HERC1: variants seen among roughly 807,000 people sequenced by gnomAD.
The protein encoded by HERC1 is probable E3 ubiquitin-protein ligase HERC1.
In HERC1, 160 loss-of-function variants were observed where a neutral mutation model predicts 554.3. The observed-to-expected ratio is 0.29, with a 90% CI of 0.25 to 0.33. HERC1 has a LOEUF of 0.33. Among genes scored for constraint, HERC1 ranks in the 10% least tolerant of loss-of-function variants. HERC1 has a pLI of 1.00. For missense variants in HERC1, 4,919 were observed against 5,918.5 expected (o/e 0.83, Z 5.54); for synonymous variants, 2,175 against 2,131.7 (o/e 1.02, Z -0.56).
chr15:63,744,111 T>TGC (rs1491501100), intron 12 of HERC1, among the ~76,000 whole-genome samples: 3 of 27,654 alleles, frequency 1.1e-4, no homozygotes, highest in African/African-American at 4.2e-4. Flanking sequence ...CCAAACAGAC[T>TGC]GTGTGTGTGT....
At chr15:63,801,260 G>A (rs1267634469) in intron 1 of HERC1, among the ~76,000 whole-genome samples, 3 of 152,178 alleles carry the variant, frequency 2.0e-5, no homozygotes, top group East Asian at 1.9e-4. Context: ...AGGTGAGGGG[G>A]TAGTTGTAGG....
chr15:63,771,517 A>C (rs572404412), intron 2 of HERC1, among the ~76,000 whole-genome samples: 1 of 150,216 alleles, frequency 6.7e-6, no homozygotes. Context: ...TGCAACCTCC[A>C]CCTCCCAGGT....
chr15:63,785,991 C>T (rs1314498510), intron 1 of HERC1, among the ~76,000 whole-genome samples: 1 of 151,806 alleles, frequency 6.6e-6, no homozygotes, highest in East Asian at 1.9e-4. Context: ...CAGGTGTGAG[C>T]CACCATGCCC....
chr15:63,696,099 G>A (rs1177254082), intron 27 of HERC1, 25 bp downstream of exon 27: 17 of 1,502,530 alleles, frequency 1.1e-5, no homozygotes, highest in East Asian at 2.3e-5. Context: ...GTTAAAATCT[G>A]TATATACTGC....
At chr15:63,654,657 A>G (rs1436515186) in intron 50 of HERC1, among the ~76,000 whole-genome samples, 3 of 151,746 alleles carry the variant, frequency 2.0e-5, no homozygotes, top group Non-Finnish European at 4.4e-5. Context: ...GTTCGAGACC[A>G]GCCTGGCCAA....
In HERC1 at chr15:63,609,228, G is replaced by C. The variant is rs771365114; in HGVS notation, c.14439C>G (p.Phe4813Leu). ...TGGAGTACGGGGGCAGCCTCAGCTG[G>C]AAGAAGCAGGTCTGTGAGGTAGGCA... ...DSLPTSQTCF[F>L]QLRLPPYSSQ... Residue 4813 changes from phenylalanine to leucine, a missense_variant, in exon 78 of 78, where the codon TTC (phenylalanine) becomes TTG (leucine). Physicochemically the swap from Phe to Leu is conservative, Grantham distance 22. Around this residue, in one of 11 missense-constraint regions of HERC1, gnomAD observed 71 missense variants for 101.4 expected, o/e 0.70. Transcript: ENST00000443617. 1 of 1,613,508 alleles carries C rather than the reference G, an allele frequency of 6.2e-7. No individual in the cohort carries two copies. Among genetic ancestry groups the C allele is most frequent in the Non-Finnish European group, 8.5e-7 (1 of 1,179,746 alleles).
At chr15:63,641,431 G>A in intron 60 of HERC1, 39 bp downstream of exon 60, 1 of 1,532,352 alleles carries the variant, frequency 6.5e-7, no homozygotes, top group Non-Finnish European at 8.9e-7. Context: ...CAAAGCACCA[G>A]GTATCTGTGT....
intron 76 of HERC1, among the ~76,000 whole-genome samples, chr15:63,614,606 C>T (rs1464971675): frequency 2.0e-5 from 3 of 152,176 alleles, no homozygotes; most frequent in African/African-American, 4.8e-5. Flanking sequence ...TACTTCAAAT[C>T]ACTAAACTTC....
In HERC1 at chr15:63,643,002, T is replaced by C. The variant is rs181950698; in HGVS notation, c.11388A>G (p.Val3796=). The change falls in exon 59 of 78, where the codon GTA becomes GTG. Residue 3796 remains valine, a synonymous_variant. Coordinates refer to ENST00000443617, the MANE Select transcript of HERC1 (RefSeq NM_003922.4). ...CAGCTACTCCAACTTCTGGAATCCA[T>C]ACTGTGGTCTGAATAGCTCCAGAGC... ...VIGSGAIQTT[V]WIPEVGVAAC... The C allele has an allele frequency of 8.7e-6, 14 of 1,613,092 alleles. No individual in the cohort carries two copies. The East Asian group carries it at 1.6e-4, about 18-fold the overall frequency.
At position 63,628,812 on chromosome 15, in the gene HERC1, C is replaced by T. The variant is rs1166127810; in HGVS notation, c.12970G>A (p.Gly4324Ser). ...CGAACATGGTTGGTATGGCCTAAGC[C>T]GAGCTGGGAATAAATCACAAATATA... ...AWGSNSEGQL[G>S]LGHTNHVREP... Residue 4324 changes from glycine (G) to serine (S), a missense_variant, in exon 70 of 78, where the codon GGC becomes AGC. By Grantham distance (56) the Gly-to-Ser change is moderately conservative (BLOSUM62 0). Coordinates refer to ENST00000443617, the MANE Select transcript of HERC1 (RefSeq NM_003922.4). 1.2e-5 allele frequency: 19 copies of T among 1,611,740 alleles called. No individual in the cohort carries two copies. The highest frequency in any genetic ancestry group is 1.6e-5 in the Non-Finnish European group (19 of 1,179,080).
At chr15:63,610,313 G>C (rs998755638) in intron 77 of HERC1, among the ~76,000 whole-genome samples, 2 of 152,152 alleles carry the variant, frequency 1.3e-5, no homozygotes, top group Middle Eastern at 3.2e-3. Flanking sequence ...AAAGCAGCAA[G>C]GAAGGGAGGT....
At chr15:63,794,195 C>G (rs1198129068) in intron 1 of HERC1, among the ~76,000 whole-genome samples, 2 of 152,196 alleles carry the variant, frequency 1.3e-5, no homozygotes, top group African/African-American at 4.8e-5. Flanking sequence ...GCCCTTGGGG[C>G]TGTTCTGTCT....
chr15:63,794,053 G>A (rs1296598473), intron 1 of HERC1, among the ~76,000 whole-genome samples: 1 of 152,102 alleles, frequency 6.6e-6, no homozygotes, highest in African/African-American at 2.4e-5. Context: ...TCCCATCAGC[G>A]CCATGACAGT....
chr15:63,712,256 G>A (rs1412868776), intron 24 of HERC1, among the ~76,000 whole-genome samples: 4 of 152,202 alleles, frequency 2.6e-5, no homozygotes, highest in African/African-American at 9.7e-5. Context: ...ACTCAAAAGA[G>A]AAAGTTTAAA....
In HERC1 at chr15:63,680,127, C is replaced by A. The variant is rs1387986310; in HGVS notation, c.6499G>T (p.Ala2167Ser). 6.2e-7 allele frequency: 1 copy of A among 1,613,326 alleles called. No homozygotes were observed. The highest frequency in any genetic ancestry group is 2.2e-5 in the East Asian group (1 of 44,816). Residue 2167 changes from alanine (A) to serine (S), a missense_variant, in exon 36 of 78, where the codon GCA becomes TCA. Ala to Ser is a moderately conservative substitution (Grantham distance 99, BLOSUM62 1). This residue lies in a region of HERC1 where 85 missense variants were observed against 163.2 expected (regional missense o/e 0.52). Coordinates refer to ENST00000443617, the MANE Select transcript of HERC1 (RefSeq NM_003922.4). This position sits in a 1 kb window ranked among gnomAD's most constrained non-coding sequence, Gnocchi z 5.8. ...PKLAFEDVDA[A>S]ELYPCVMFYS... is the part of the protein sequence containing the mutation. ...AACATCACACATGGGTACAACTCTG[C>A]TGCATCCACATCTTCAAAAGCTAAT...
chr15:63,689,789 C>T, intron 32 of HERC1, 90 bp from the exon 33 acceptor site: 3 of 688,156 alleles, frequency 4.4e-6, no homozygotes, highest in Non-Finnish European at 7.2e-6. Context: ...GTAATATTAA[C>T]TCGCATGCGA....
At chr15:63,609,705 A>G (rs975315464) in intron 77 of HERC1, among the ~76,000 whole-genome samples, 1 of 152,124 alleles carries the variant, frequency 6.6e-6, no homozygotes, top group East Asian at 1.9e-4. Context: ...GCAGCTGGCC[A>G]TGGGAGCCTC....
In HERC1 at chr15:63,677,999, C is replaced by T. The variant is rs1040857866; in HGVS notation, c.6916G>A (p.Val2306Met). ...TCAACTCCTCCTATCACAGCCAGCA[C>T]GGGCCACACCTCTATGCAAAGAGTC... The part of the protein sequence containing the change: ...LRTLCIEVWP[V>M]LAVIGGVDAG... Residue 2306 changes from valine to methionine, a missense_variant, in exon 37 of 78, where the codon GTG (valine) becomes ATG (methionine). This residue lies in a region of HERC1 where 1,963 missense variants were observed against 2,228.6 expected (regional missense o/e 0.88). Coordinates refer to ENST00000443617, the MANE Select transcript of HERC1 (RefSeq NM_003922.4). This position sits in a 1 kb window ranked among gnomAD's most constrained non-coding sequence, Gnocchi z 4.4. 5 of 1,614,006 alleles carry T rather than the reference C, an allele frequency of 3.1e-6. No individual in the cohort carries two copies. Among genetic ancestry groups the T allele is most frequent in the South Asian group, 1.1e-5 (1 of 91,086 alleles).
chr15:63,806,829 G>A (rs1413491997), intron 1 of HERC1, among the ~76,000 whole-genome samples: 1 of 152,196 alleles, frequency 6.6e-6, no homozygotes, highest in Non-Finnish European at 1.5e-5. Context: ...GAGTGCAGTG[G>A]TGTGATCTCA....
Sources: gnomAD v4.1 joint callset for allele counts (sites outside exome capture counted in the v4.1 genomes callset) on GRCh38, gnomAD v4.1.1 for gene constraint, gnomAD v4.1.1 regional missense constraint, Gnocchi (gnomAD v3.1) non-coding constraint, MANE v1.5 for transcripts, NCBI Gene and HGNC (gene_info 2026-07-23, HGNC 2026-07-21) for gene names.